The following CEP126 variants were observed in gnomAD, a reference collection of about 807,000 sequenced individuals.
The protein encoded by CEP126 is centrosomal protein of 126 kDa.
Under a neutral mutation model 107.8 loss-of-function variants are expected in CEP126, and 74 were observed. The observed-to-expected ratio is 0.69, with a 90% CI of 0.57 to 0.83. CEP126 has a LOEUF of 0.83. CEP126 is among the 40% of genes least tolerant of loss of function. The probability of loss-of-function intolerance (pLI) is 0.00; values close to 1 mark genes in which losing one functional copy is unlikely to be tolerated. For synonymous variants in CEP126, 449 were observed against 446.0 expected (o/e 1.01, Z -0.08); for missense variants, 1,237 against 1,281.9 (o/e 0.96, Z 0.53).
At chr11:101,923,009 A>G (rs952030110) in intron 2 of CEP126, among the ~76,000 whole-genome samples, 1 of 152,216 alleles carries the variant, frequency 6.6e-6, no homozygotes, top group African/African-American at 2.4e-5. Flanking sequence ...TTGCATTGTC[A>G]TATACACTTC....
chr11:101,926,322 A>G (rs1371956068), intron 2 of CEP126, among the ~76,000 whole-genome samples: 3 of 152,220 alleles, frequency 2.0e-5, no homozygotes, highest in African/African-American at 7.2e-5. Flanking sequence ...TTATTTAGAG[A>G]GAACAATATG....
chr11:101,988,438 T>C (rs181992435), intron 9 of CEP126, among the ~76,000 whole-genome samples: 3 of 152,280 alleles, frequency 2.0e-5, no homozygotes, highest in Non-Finnish European at 4.4e-5. Flanking sequence ...TAAAAAGGTC[T>C]GAAAGGCTAA....
At chr11:101,990,113 G>A (rs1941360639) in intron 9 of CEP126, among the ~76,000 whole-genome samples, 1 of 149,704 alleles carries the variant, frequency 6.7e-6, no homozygotes, top group African/African-American at 2.6e-5. Context: ...AAAGATGAAT[G>A]TGGACTACTA....
intron 10 of CEP126, among the ~76,000 whole-genome samples, chr11:101,995,405 A>T (rs1347568017): frequency 6.6e-6 from 1 of 152,224 alleles, no homozygotes; most frequent in Non-Finnish European, 1.5e-5. Context: ...GCTTTAAAAA[A>T]TACTGATGCC....
At chr11:101,956,034 C>T (rs1217263616) in intron 4 of CEP126, 1 of 456,460 alleles carries the variant, frequency 2.2e-6, no homozygotes, top group Non-Finnish European at 4.4e-6. Flanking sequence ...TGTCCTCCAA[C>T]CCCGGCTACT....
rs149141943 is a variant in CEP126 at position 101,949,223 on chromosome 11, T to C, written c.506+1081T>C. Among the ~76,000 whole-genome samples the C allele has an allele frequency of 9.4e-3, 1,428 of 152,230 alleles. 13 individuals carry two copies. The highest frequency in any genetic ancestry group is 0.015 in the Non-Finnish European group (1,034 of 67,992). ...ACAGATGGCTTTGCCAGATACAAGA[T>C]TGGAGAGATAAGTGCATCTGTATGC... On this transcript the variant is annotated intron_variant, in intron 4 of 10. Transcript: ENST00000263468.
chr11:101,931,051 T>G (rs1384298174), intron 2 of CEP126, among the ~76,000 whole-genome samples: 1 of 152,190 alleles, frequency 6.6e-6, no homozygotes. Flanking sequence ...ATATTTCTAA[T>G]ACATTTTAAC....
At position 101,980,748 on chromosome 11, in the gene CEP126, A is replaced by G. The variant is rs534104169; in HGVS notation, c.2959-1141A>G. ...TATCATACTGGATTTTCTCCAGCCC[A>G]TGACATCTATATGGAGAAAATCTCA... On this transcript the variant is annotated intron_variant, in intron 7 of 10. Coordinates refer to ENST00000263468, the MANE Select transcript of CEP126 (RefSeq NM_020802.4). Among the ~76,000 whole-genome samples, 9 of 152,316 alleles carry G rather than the reference A, an allele frequency of 5.9e-5. No homozygotes were observed. In the South Asian group the frequency reaches 8.3e-4, roughly 14 times the overall value.
At chr11:101,939,926 C>T (rs1458146080) in intron 2 of CEP126, among the ~76,000 whole-genome samples, 2 of 152,142 alleles carry the variant, frequency 1.3e-5, no homozygotes, top group South Asian at 2.1e-4. Context: ...AAAGCATTTG[C>T]CCAGGAAACA....
At position 101,978,475 on chromosome 11, in the gene CEP126, A is replaced by C. The variant is rs758686733; in HGVS notation, c.2958+16A>C. 6.7e-7 allele frequency: 1 copy of C among 1,484,682 alleles called. No individual in the cohort carries two copies. The highest frequency in any genetic ancestry group is 1.2e-5 in the South Asian group (1 of 86,320). The allele number at this position is 1,484,682 out of a possible 1,614,324, so 92.0% of individuals were successfully genotyped here. ...GCAAATTAATGTAAGTATGGTATTA[A>C]TCAAAATCTCTATTCAATATTTAAA... is the stretch of plus-strand genomic sequence containing the variant. On this transcript the variant is annotated intron_variant, in intron 7 of 10. Transcript: ENST00000263468.
chr11:101,976,624 A>G (rs1380407345), intron 6 of CEP126, among the ~76,000 whole-genome samples: 1 of 152,172 alleles, frequency 6.6e-6, no homozygotes, highest in Non-Finnish European at 1.5e-5. Flanking sequence ...CCCCAGACCA[A>G]TTGAATTTTC....
chr11:101,956,082 C>G (rs544938960), intron 4 of CEP126: 13 of 456,700 alleles, frequency 2.8e-5, no homozygotes, highest in East Asian at 6.9e-5. Flanking sequence ...CTACCAGCAC[C>G]AATTCCTTCT....
At chr11:101,921,934 C>T (rs746668294) in intron 1 of CEP126, among the ~76,000 whole-genome samples, 177 of 150,294 alleles carry the variant, frequency 1.2e-3, no homozygotes, top group Non-Finnish European at 1.8e-3. Flanking sequence ...TACAGGTACC[C>T]GCCACCACGC....
At chr11:101,931,162 T>C (rs763907035) in intron 2 of CEP126, among the ~76,000 whole-genome samples, 2 of 152,206 alleles carry the variant, frequency 1.3e-5, no homozygotes, top group Non-Finnish European at 1.5e-5. Flanking sequence ...TTAATTGATA[T>C]GTTTCTTTAC....
At chr11:101,953,383 T>C (rs1042965969) in intron 4 of CEP126, among the ~76,000 whole-genome samples, 4 of 151,990 alleles carry the variant, frequency 2.6e-5, no homozygotes, top group Non-Finnish European at 4.4e-5. Flanking sequence ...AATTGGTCCA[T>C]AGAGAAGGAG....
chr11:101,958,784 A>G (rs909177498), intron 5 of CEP126, among the ~76,000 whole-genome samples: 1 of 152,220 alleles, frequency 6.6e-6, no homozygotes, highest in African/African-American at 2.4e-5. Flanking sequence ...TTCATTAATA[A>G]TTATGCACAT....
intron 2 of CEP126, among the ~76,000 whole-genome samples, chr11:101,927,818 G>A (rs1012432559): frequency 1.3e-5 from 2 of 152,106 alleles, no homozygotes; most frequent in Non-Finnish European, 2.9e-5. Context: ...CCCATTGAAG[G>A]ACATGATATG....
Position 101,922,760 on chromosome 11 carries a change from AG to A in CEP126, c.248+1del. The A allele has an allele frequency of 6.2e-7, 1 of 1,610,344 alleles. No individual in the cohort carries two copies. The highest frequency in any genetic ancestry group is 1.3e-5 in the African/African-American group (1 of 74,926). ...TTTGTGGAGTCAAATCGGAGAAAAA[AG>A]TAAGTAATTGCACTTTATTCAGAAG... is the stretch of plus-strand genomic sequence containing the variant. On this transcript the variant is annotated splice_donor_variant, in intron 2 of 10. Transcript: ENST00000263468. LOFTEE classifies it high-confidence loss of function.
At chr11:101,978,518 A>G in intron 7 of CEP126, 59 bp downstream of exon 7, 1 of 1,023,280 alleles carries the variant, frequency 9.8e-7, no homozygotes, top group East Asian at 2.4e-5. Flanking sequence ...TGGAAAACAG[A>G]GGTTCTTAAA....
Sources: gnomAD v4.1 joint callset for allele counts (sites outside exome capture counted in the v4.1 genomes callset) on GRCh38, gnomAD v4.1.1 for gene constraint, MANE v1.5 for transcripts, NCBI Gene and HGNC (gene_info 2026-07-23, HGNC 2026-07-21) for gene names.